The following AGL variants were observed in gnomAD, a reference collection of about 807,000 sequenced individuals.
AGL encodes glycogen debranching enzyme.
Under a neutral mutation model 199.3 loss-of-function variants are expected in AGL, and 128 were observed. The observed-to-expected ratio is 0.64, with a 90% CI of 0.56 to 0.74. AGL has a LOEUF of 0.74. AGL is among the 30% of genes least tolerant of loss of function. The pLI, the probability that AGL is intolerant of heterozygous loss-of-function variation, is 0.00. For synonymous variants in AGL, 584 were observed against 594.7 expected (o/e 0.98, Z 0.26); for missense variants, 1,809 against 1,820.8 (o/e 0.99, Z 0.12).
rs1336041021 is a variant in AGL, at chr1:99,891,646, A to G, written c.2990A>G (p.Gln997Arg). 3 of 1,613,706 alleles carry G rather than the reference A, an allele frequency of 1.9e-6. No individual in the cohort carries two copies. The highest frequency in any genetic ancestry group is 1.1e-5 in the South Asian group (1 of 91,082). ...CAGGCTATGTTCTTCTACCTGAAGC[A>G]GATCCCACGTTACCTTATCCCATGT... Reference protein sequence around the residue: ...WLQAMFFYLKQIPRYLIPCYF... With the variant: ...WLQAMFFYLKRIPRYLIPCYF... The change falls in exon 23 of 34, where the codon CAG becomes CGG. Residue 997 changes from glutamine to arginine, a missense_variant. Coordinates refer to ENST00000361915, the MANE Select transcript of AGL (RefSeq NM_000642.3).
At chr1:99,892,378 AAC>A (rs1253637911) in intron 23 of AGL, 52 bp from the exon 24 acceptor site, 3 of 1,530,440 alleles carry the variant, frequency 2.0e-6, no homozygotes, top group Non-Finnish European at 2.7e-6. Flanking sequence ...AGTAAAATAA[AAC>A]TGCTAAAAAT....
chr1:99,852,679 A>G (rs528647083), intron 2 of AGL: 8 of 779,764 alleles, frequency 1.0e-5, no homozygotes, highest in East Asian at 9.7e-5. Context: ...CATGGCCCCA[A>G]TTCTGAGCAT....
In AGL at chr1:99,875,272, G is replaced by A. The variant is rs1557758593; in HGVS notation, c.1185+16G>A. ...TCAGGAACAGGTTTTACTTATTTTT[G>A]AACTGCTGCTTTTCCTTGCATCTTA... On this transcript the variant is annotated intron_variant, in intron 9 of 33. Coordinates refer to ENST00000361915, the MANE Select transcript of AGL (RefSeq NM_000642.3). 1 of 1,612,658 alleles carries A rather than the reference G, an allele frequency of 6.2e-7. No homozygotes were observed. Among genetic ancestry groups the A allele is most frequent in the East Asian group, 2.2e-5 (1 of 44,856 alleles).
In AGL at chr1:99,879,966, T is replaced by C; in HGVS notation, c.1655T>C (p.Val552Ala). Reference sequence around the variant, plus strand: ...AGGAATTTGCAACCCAATTTATATGTAGTAGCTGAACTGTTCACAGGAAGT... The same window carrying C: ...AGGAATTTGCAACCCAATTTATATGCAGTAGCTGAACTGTTCACAGGAAGT... ...AARNLQPNLY[V>A]VAELFTGSED... is the part of the protein sequence containing the mutation. The change falls in exon 13 of 34, where the codon GTA becomes GCA. Residue 552 changes from valine to alanine, a missense_variant. Coordinates refer to ENST00000361915, the MANE Select transcript of AGL (RefSeq NM_000642.3). The C allele has an allele frequency of 1.9e-6, 3 of 1,613,766 alleles. No homozygotes were observed. The highest frequency in any genetic ancestry group is 2.5e-6 in the Non-Finnish European group (3 of 1,179,804).
At chr1:99,880,577 C>T (rs1036698919) in intron 13 of AGL, 55 bp from the exon 14 acceptor site, 1 of 1,566,224 alleles carries the variant, frequency 6.4e-7, no homozygotes, top group Admixed American at 1.7e-5. Flanking sequence ...GAAATCTAAC[C>T]TCTTCCTGGA....
At chr1:99,890,051 C>G (rs1465228427) in intron 21 of AGL, among the ~76,000 whole-genome samples, 1 of 152,140 alleles carries the variant, frequency 6.6e-6, no homozygotes, top group Non-Finnish European at 1.5e-5. Context: ...TGGATCTGCT[C>G]CTTTCATCCT....
At chr1:99,899,512 C>CTCTCTCTCTCTCTCTT (rs1435460513) in intron 25 of AGL, among the ~76,000 whole-genome samples, 19 of 62,638 alleles carry the variant, frequency 3.0e-4, no homozygotes, top group Middle Eastern at 8.5e-3. Flanking sequence ...TGTTTTCTTT[C>CTCTCTCTCTCTCTCTT]TCTCTCTCTC....
intron 26 of AGL, 80 bp downstream of exon 26, chr1:99,900,941 A>T: frequency 8.1e-7 from 1 of 1,236,862 alleles, no homozygotes. Flanking sequence ...TGTAAAAATA[A>T]GGGTAATTAA....
Position 99,884,115 on chromosome 1 carries a change from C to T in AGL, c.2309-5C>T, listed in dbSNP as rs747384658. 6.2e-7 allele frequency: 1 copy of T among 1,609,370 alleles called. No homozygotes were observed. The highest frequency in any genetic ancestry group is 1.1e-5 in the South Asian group (1 of 90,772). ...TTTTGTTAAAATGTTTTTATGTATT[C>T]CTAGGCAAAATTGAAGAAGTAGTTC... On this transcript the variant is annotated splice_polypyrimidine_tract_variant and splice_region_variant and intron_variant, in intron 17 of 33. Transcript: ENST00000361915.
At chr1:99,892,249 G>C (rs571490185) in intron 23 of AGL, among the ~76,000 whole-genome samples, 183 bp from the exon 24 acceptor site, 15 of 152,226 alleles carry the variant, frequency 9.9e-5, no homozygotes, top group Non-Finnish European at 1.5e-4. Context: ...CTGTAAGCCA[G>C]CTAAAATAAT....
At chr1:99,910,935 C>G (rs984710799) in intron 28 of AGL, 88 bp downstream of exon 28, 1 of 1,392,608 alleles carries the variant, frequency 7.2e-7, no homozygotes, top group African/African-American at 1.4e-5. Flanking sequence ...TAACTATGAA[C>G]TCTTTACATT....
Position 99,880,673 on chromosome 1 carries a change from G to A in AGL, c.1777G>A (p.Val593Ile), listed in dbSNP as rs1312675872. The part of the protein sequence containing the change: ...AYNSHEEGRL[V>I]YRYGGEPVGS... Reference sequence around the variant, plus strand: ...TAATAGTCATGAAGAGGGCAGATTAGTTTACCGATATGGAGGAGAACCTGT... The same window carrying A: ...TAATAGTCATGAAGAGGGCAGATTAATTTACCGATATGGAGGAGAACCTGT... Residue 593 changes from valine (V) to isoleucine (I), a missense_variant, in exon 14 of 34, where the codon GTT (valine) becomes ATT (isoleucine). Coordinates refer to ENST00000361915, the MANE Select transcript of AGL (RefSeq NM_000642.3). The A allele has an allele frequency of 1.2e-6, 2 of 1,613,954 alleles. No individual in the cohort carries two copies. The highest frequency in any genetic ancestry group is 1.7e-6 in the Non-Finnish European group (2 of 1,179,958).
chr1:99,891,799 A>G (rs189377883), intron 23 of AGL, 60 bp downstream of exon 23: 605 of 1,589,140 alleles, frequency 3.8e-4, no homozygotes, highest in Non-Finnish European at 4.8e-4. Context: ...ATACAGAGTC[A>G]CTTCATACAT....
chr1:99,888,463 C>G (rs575155018), intron 21 of AGL, among the ~76,000 whole-genome samples: 6 of 152,174 alleles, frequency 3.9e-5, no homozygotes, highest in African/African-American at 1.4e-4. Flanking sequence ...TTTATGTATA[C>G]TTGGACCTTG....
chr1:99,872,159 T>G (rs986743962), intron 7 of AGL, among the ~76,000 whole-genome samples: 2 of 152,198 alleles, frequency 1.3e-5, no homozygotes, highest in African/African-American at 2.4e-5. Flanking sequence ...TTTGATAGGT[T>G]GTTTCCAGTT....
At chr1:99,896,199 A>G (rs1653299098) in intron 24 of AGL, 87 bp from the exon 25 acceptor site, 4 of 1,185,604 alleles carry the variant, frequency 3.4e-6, no homozygotes, top group East Asian at 2.3e-5. Context: ...CCCCAGGTTT[A>G]GAGTAACTGT....
intron 26 of AGL, among the ~76,000 whole-genome samples, chr1:99,902,414 T>C (rs1374888654): frequency 1.3e-5 from 2 of 152,216 alleles, no homozygotes; most frequent in African/African-American, 2.4e-5. Flanking sequence ...TGATAGAAAC[T>C]GTAGAAGCTC....
intron 4 of AGL, 115 bp from the exon 5 acceptor site, chr1:99,864,271 A>G (rs1033801268): frequency 5.2e-6 from 5 of 953,768 alleles, no homozygotes; most frequent in Non-Finnish European, 6.5e-6. Flanking sequence ...TTCCAGTAGC[A>G]TGCTTGCCTT....
At chr1:99,906,655 T>A (rs1353716043) in intron 27 of AGL, among the ~76,000 whole-genome samples, 1 of 152,186 alleles carries the variant, frequency 6.6e-6, no homozygotes, top group East Asian at 1.9e-4. Flanking sequence ...TGTGACTGAT[T>A]TTTTCCACTT....
Sources: gnomAD v4.1 joint callset for allele counts (sites outside exome capture counted in the v4.1 genomes callset) on GRCh38, gnomAD v4.1.1 for gene constraint, MANE v1.5 for transcripts, NCBI Gene and HGNC (gene_info 2026-07-23, HGNC 2026-07-21) for gene names.